The following CAMTA1 variants were observed in gnomAD, a reference collection of about 807,000 sequenced individuals.
CAMTA1 encodes calmodulin-binding transcription activator 1.
CAMTA1 carries 27 observed loss-of-function variants against 170.9 expected under a neutral mutation model. The observed-to-expected ratio is 0.16, with a 90% CI of 0.12 to 0.22. The LOEUF is 0.22. Among genes scored for constraint, CAMTA1 ranks in the 10% least tolerant of loss-of-function variants. The pLI, the probability that CAMTA1 is intolerant of heterozygous loss-of-function variation, is 1.00. For synonymous variants in CAMTA1, 833 were observed against 891.5 expected, an observed-to-expected ratio of 0.93 and a Z score of 1.17; for missense variants, 1,619 against 2,217.2, an observed-to-expected ratio of 0.73 and a Z score of 5.42.
intron 3 of CAMTA1, among the ~76,000 whole-genome samples, chr1:7,066,109 C>T (rs1265102839): frequency 6.6e-6 from 1 of 152,212 alleles, no homozygotes; most frequent in Non-Finnish European, 1.5e-5. Context: ...TTGCTTGCTT[C>T]CAGTTCAGCC....
chr1:6,893,597 G>T (rs530722832), intron 3 of CAMTA1, among the ~76,000 whole-genome samples: 1 of 152,196 alleles, frequency 6.6e-6, no homozygotes, highest in Non-Finnish European at 1.5e-5. Context: ...CTTCACATGC[G>T]CACTGAGGGG....
intron 5 of CAMTA1, among the ~76,000 whole-genome samples, chr1:7,331,006 G>A (rs895466209): frequency 2.0e-5 from 3 of 152,140 alleles, no homozygotes; most frequent in East Asian, 1.9e-4. Flanking sequence ...TTGGGAGGCC[G>A]AGGCGGGTGG....
At chr1:6,877,430 A>G (rs1196176587) in intron 3 of CAMTA1, among the ~76,000 whole-genome samples, 2 of 152,154 alleles carry the variant, frequency 1.3e-5, no homozygotes, top group Admixed American at 1.3e-4. Context: ...ATTTTTTGTC[A>G]TTCCTCAATG....
chr1:6,976,178 GC>G (rs1693385705), intron 3 of CAMTA1, among the ~76,000 whole-genome samples: 1 of 152,228 alleles, frequency 6.6e-6, no homozygotes, highest in South Asian at 2.1e-4. Context: ...GGAGGCAGAG[GC>G]CCCGCTGAGT....
intron 5 of CAMTA1, among the ~76,000 whole-genome samples, chr1:7,462,980 G>A (rs540157907): frequency 6.6e-6 from 1 of 152,354 alleles, no homozygotes; most frequent in South Asian, 2.1e-4. Context: ...GCTCCTGGAG[G>A]GGGACCTGAG....
chr1:7,507,558 C>T (rs1725241), intron 6 of CAMTA1, among the ~76,000 whole-genome samples: 43,725 of 152,210 alleles, frequency 0.29, 6,553 homozygotes, highest in Middle Eastern at 0.47. Flanking sequence ...AACACAGCAT[C>T]TTAGTAATTG....
At chr1:7,182,239 A>C (rs927971871) in intron 4 of CAMTA1, among the ~76,000 whole-genome samples, 3 of 152,110 alleles carry the variant, frequency 2.0e-5, no homozygotes, top group African/African-American at 7.2e-5. Context: ...AAAAGGTGAA[A>C]TCATAAAAGT....
intron 4 of CAMTA1, among the ~76,000 whole-genome samples, chr1:7,187,439 C>T (rs556972120): frequency 3.3e-5 from 5 of 152,002 alleles, no homozygotes; most frequent in Admixed American, 2.0e-4. Context: ...TTTTTTTTAA[C>T]GTCGTTACTT....
At chr1:7,250,493 G>T (rs1344275952) in intron 5 of CAMTA1, among the ~76,000 whole-genome samples, 1 of 152,186 alleles carries the variant, frequency 6.6e-6, no homozygotes, top group Non-Finnish European at 1.5e-5. Flanking sequence ...TATTTCGAAC[G>T]GGTCAAAGAG....
chr1:7,687,671 A>C (rs2096270382), intron 11 of CAMTA1, among the ~76,000 whole-genome samples: 1 of 152,142 alleles, frequency 6.6e-6, no homozygotes, highest in Non-Finnish European at 1.5e-5. Context: ...TGGTCTTGCC[A>C]ACCTTTTGAT....
rs2096448312 is a variant in CAMTA1, at chr1:7,702,168, A to G, written c.2914+24435A>G. ...CCAGGCTCCTGACCCCAACCCACTC[A>G]GCAGGGCTCAGCCAGTGCCTCCTGG... On this transcript the variant is annotated intron_variant, in intron 11 of 22. Coordinates refer to ENST00000303635, the MANE Select transcript of CAMTA1 (RefSeq NM_015215.4). Among the ~76,000 whole-genome samples the G allele has an allele frequency of 5.9e-5, 9 of 152,070 alleles. No individual in the cohort carries two copies. The South Asian group carries it at 1.5e-3, about 25-fold the overall frequency.
chr1:7,170,659 G>A (rs1649420453), intron 4 of CAMTA1, among the ~76,000 whole-genome samples: 1 of 152,092 alleles, frequency 6.6e-6, no homozygotes, highest in Admixed American at 6.5e-5. Flanking sequence ...GTTTTATATG[G>A]CTGCGTAGTA....
Position 7,443,893 on chromosome 1 carries a change from C to T in CAMTA1, c.439-23937C>T, listed in dbSNP as rs1298205400. On this transcript the variant is annotated intron_variant, in intron 5 of 22. Coordinates refer to ENST00000303635, the MANE Select transcript of CAMTA1 (RefSeq NM_015215.4). This position sits in a 1 kb window ranked among gnomAD's most constrained non-coding sequence, Gnocchi z 4.1. ...GAGGGAGGAGGCACAGCCTCTCACC[C>T]ATGCCTCTGCCTGGACACAGGACCA... Among the ~76,000 whole-genome samples, 1 of 152,190 alleles carries T rather than the reference C, an allele frequency of 6.6e-6. No homozygotes were observed. Among genetic ancestry groups the T allele is most frequent in the Admixed American group, 6.5e-5 (1 of 15,286 alleles).
intron 6 of CAMTA1, among the ~76,000 whole-genome samples, chr1:7,622,313 A>G (rs1239810235): frequency 6.6e-6 from 1 of 152,228 alleles, no homozygotes; most frequent in African/African-American, 2.4e-5. Flanking sequence ...AAGATCACAC[A>G]GCGTTTGAAG....
At chr1:7,470,636 G>T (rs1218046288) in intron 6 of CAMTA1, among the ~76,000 whole-genome samples, 2 of 152,170 alleles carry the variant, frequency 1.3e-5, no homozygotes, top group African/African-American at 4.8e-5. Context: ...CCCCCTGCAG[G>T]GGGTGAGCCT....
intron 6 of CAMTA1, among the ~76,000 whole-genome samples, chr1:7,572,770 GAC>G (rs1458100970): frequency 2.6e-5 from 4 of 152,184 alleles, no homozygotes; most frequent in Admixed American, 2.0e-4. Flanking sequence ...TTTGGGGGAA[GAC>G]ACACATGTTC....
chr1:7,756,121 A>G (rs1241924807), intron 22 of CAMTA1, among the ~76,000 whole-genome samples: 1 of 151,150 alleles, frequency 6.6e-6, no homozygotes, highest in Non-Finnish European at 1.5e-5. Flanking sequence ...AGGTCGTACT[A>G]GGGTTTTTTT....
At chr1:6,789,673 C>G (rs1476701615) in intron 1 of CAMTA1, among the ~76,000 whole-genome samples, 1 of 152,104 alleles carries the variant, frequency 6.6e-6, no homozygotes, top group Non-Finnish European at 1.5e-5. Flanking sequence ...ACTCCCATGA[C>G]TGGAGTCATT....
chr1:7,120,029 C>G (rs1429275225), intron 4 of CAMTA1, among the ~76,000 whole-genome samples: 1 of 152,168 alleles, frequency 6.6e-6, no homozygotes. Context: ...TAATTATTAT[C>G]ACCATTCTAC....
Sources: allele counts gnomAD v4.1 joint callset (sites outside exome capture counted in the v4.1 genomes callset), GRCh38; gene constraint gnomAD v4.1.1; non-coding constraint Gnocchi (gnomAD v3.1); transcripts MANE v1.5; gene names NCBI Gene and HGNC (gene_info 2026-07-23, HGNC 2026-07-21).